ATIC: variants seen among roughly 807,000 people sequenced by gnomAD.
The protein encoded by ATIC is bifunctional purine biosynthesis protein ATIC.
A neutral mutation model predicts 72.5 loss-of-function variants in ATIC; 64 were observed. The ratio of observed to expected loss-of-function variants is 0.88; its 90% CI spans 0.72 to 1.09. The LOEUF (loss-of-function observed/expected upper bound fraction) is 1.09, where lower values mean the gene tolerates loss of function less well. ATIC is among the 50% of genes least tolerant of loss of function. The pLI, the probability that ATIC is intolerant of heterozygous loss-of-function variation, is 0.00. For missense variants in ATIC, 787 were observed against 732.4 expected (o/e 1.07, Z -0.86); for synonymous variants, 281 against 267.1 (o/e 1.05, Z -0.51).
At chr2:215,320,310 T>C (rs114168533) in intron 4 of ATIC, among the ~76,000 whole-genome samples, 2,259 of 152,300 alleles carry the variant, frequency 0.015, 52 homozygotes, top group African/African-American at 0.051. Context: ...ACAGAAGTTG[T>C]GCAACCATTA....
chr2:215,335,135 T>G (rs2052940702), intron 10 of ATIC, 131 bp downstream of exon 10: 1 of 473,630 alleles, frequency 2.1e-6, no homozygotes, highest in Non-Finnish European at 3.5e-6. Flanking sequence ...TATCATTTAA[T>G]GTTCATATTT....
At chr2:215,335,366 C>T (rs2052943387) in intron 10 of ATIC, among the ~76,000 whole-genome samples, 2 of 152,218 alleles carry the variant, frequency 1.3e-5, no homozygotes, top group Admixed American at 6.5e-5. Context: ...ACAGAAACTA[C>T]ATTAATAAAC....
At chr2:215,354,030 C>CT (rs201168218), downstream of ATIC, among the ~76,000 whole-genome samples, 775 of 150,866 alleles carry the variant, frequency 5.1e-3, 6 homozygotes, top group African/African-American at 0.018. Flanking sequence ...TGTCAGGAAA[C>CT]TTTTTTTTTG....
Position 215,326,873 on chromosome 2 carries a change from A to C in ATIC, c.583A>C (p.Lys195Gln). Residue 195 changes from lysine to glutamine, a missense_variant, in exon 7 of 16, where the codon AAA (lysine) becomes CAA (glutamine). Physicochemically the swap from Lys to Gln is moderately conservative, Grantham distance 53. Transcript: ENST00000236959. ...YDEAISDYFRKQYSKGVSQMP... is the reference protein window; with the variant it reads ...YDEAISDYFRQQYSKGVSQMP... ...TGAAGCAATTTCAGATTATTTCAGGAAACAGTACAGCAAAGGCGTATCTCA... is the reference window on the plus strand; with the variant it reads ...TGAAGCAATTTCAGATTATTTCAGGCAACAGTACAGCAAAGGCGTATCTCA... 6.2e-7 allele frequency: 1 copy of C among 1,614,184 alleles called. No individual in the cohort carries two copies. The highest frequency in any genetic ancestry group is 2.2e-5 in the East Asian group (1 of 44,882).
the ATIC span, among the ~76,000 whole-genome samples, chr2:215,360,165 T>C: frequency 6.6e-6 from 1 of 152,208 alleles, no homozygotes; most frequent in Non-Finnish European, 1.5e-5. Context: ...CTCAAACTCC[T>C]GACCTCAGGT....
chr2:215,359,710 T>C, the ATIC span, among the ~76,000 whole-genome samples: 1 of 150,628 alleles, frequency 6.6e-6, no homozygotes, highest in Non-Finnish European at 1.5e-5. Context: ...TTATAAACTG[T>C]AAATCAATTC....
chr2:215,338,747 ATTAACT>A (rs780816152), intron 11 of ATIC, 26 bp from the exon 12 acceptor site: 20 of 1,608,898 alleles, frequency 1.2e-5, no homozygotes, highest in Non-Finnish European at 1.7e-5. Context: ...AAGTGGAGAG[ATTAACT>A]TTAACTTTTA....
rs2053112008 is a variant in ATIC at position 215,349,577 on chromosome 2, T to G, written c.1701T>G (p.Ala567=). ...TTGCGGCTCCCTCCGGTTCTGCTGC[T>G]GACAAAGTTGTGATTGAGGCCTGCG... is the stretch of plus-strand genomic sequence containing the variant. ...AYIAAPSGSA[A]DKVVIEACDE... The change falls in exon 16 of 16, where the codon GCT becomes GCG. Residue 567 remains alanine (A), a synonymous_variant. Coordinates refer to ENST00000236959, the MANE Select transcript of ATIC (RefSeq NM_004044.7). 6.2e-7 allele frequency: 1 copy of G among 1,614,232 alleles called. No homozygotes were observed. Among genetic ancestry groups the G allele is most frequent in the Non-Finnish European group, 8.5e-7 (1 of 1,180,044 alleles).
chr2:215,362,445 T>C, the ATIC span: 3 of 285,840 alleles, frequency 1.0e-5, no homozygotes, highest in Non-Finnish European at 2.0e-5. Context: ...TAAAAGGGAC[T>C]TGAGATCACA....
chr2:215,315,730 C>G (rs1262464826), intron 2 of ATIC, among the ~76,000 whole-genome samples: 1 of 152,084 alleles, frequency 6.6e-6, no homozygotes, highest in Non-Finnish European at 1.5e-5. Flanking sequence ...GCTGCTGGAT[C>G]ATCTGAGGTC....
chr2:215,364,652 CCATT>C, the ATIC span: 5 of 588,732 alleles, frequency 8.5e-6, no homozygotes, highest in East Asian at 8.5e-5. Context: ...ACTCTACATG[CCATT>C]CATTCATTCT....
At chr2:215,342,742 C>T (rs2053032717) in intron 12 of ATIC, among the ~76,000 whole-genome samples, 1 of 152,150 alleles carries the variant, frequency 6.6e-6, no homozygotes, top group South Asian at 2.1e-4. Flanking sequence ...TGCAATGGCT[C>T]GGTCTTGGCT....
intron 9 of ATIC, among the ~76,000 whole-genome samples, chr2:215,334,624 G>GCAGT (rs1457415485): frequency 1.3e-5 from 2 of 152,192 alleles, no homozygotes; most frequent in African/African-American, 2.4e-5. Flanking sequence ...ATCATCTACA[G>GCAGT]CAGTGGTCAG....
At chr2:215,314,757 G>C (rs1173977802) in intron 2 of ATIC, among the ~76,000 whole-genome samples, 2 of 152,034 alleles carry the variant, frequency 1.3e-5, no homozygotes, top group African/African-American at 4.8e-5. Context: ...GCCTTGGCCT[G>C]CTGGGATTAC....
chr2:215,323,344 C>T (rs999399877), intron 4 of ATIC, among the ~76,000 whole-genome samples: 6 of 152,060 alleles, frequency 3.9e-5, no homozygotes, highest in Non-Finnish European at 7.4e-5. Context: ...TGCAAAACAA[C>T]GCAGTTGGAA....
the ATIC span, chr2:215,362,274 T>C: frequency 5.0e-6 from 3 of 598,068 alleles, no homozygotes; most frequent in Non-Finnish European, 9.1e-6. Context: ...CCATATCTTA[T>C]ACCTACATCT....
chr2:215,366,956 T>G, the ATIC span, among the ~76,000 whole-genome samples: 1 of 152,234 alleles, frequency 6.6e-6, no homozygotes, highest in East Asian at 1.9e-4. Context: ...GAAGTCTATA[T>G]TGAAAACACT....
chr2:215,364,366 C>T, the ATIC span: 1 of 187,114 alleles, frequency 5.3e-6, no homozygotes, highest in South Asian at 1.1e-4. Flanking sequence ...GAGTTGGAGG[C>T]CTAGAGCTAC....
intron 13 of ATIC, among the ~76,000 whole-genome samples, chr2:215,346,305 G>C (rs558125966): frequency 6.6e-6 from 1 of 152,140 alleles, no homozygotes; most frequent in African/African-American, 2.4e-5. Flanking sequence ...GGGACTGCAG[G>C]TGTGCGCCAC....
Sources: allele counts gnomAD v4.1 joint callset (sites outside exome capture counted in the v4.1 genomes callset), GRCh38; gene constraint gnomAD v4.1.1; transcripts MANE v1.5; gene names NCBI Gene and HGNC (gene_info 2026-07-23, HGNC 2026-07-21).